Variants in FBXO42 observed in about 807,000 individuals in gnomAD.
FBXO42 encodes the protein F-box protein 42, also known as F-box only protein 42.
In FBXO42, 12 loss-of-function variants were observed where a neutral mutation model predicts 71.7. That is an observed-to-expected ratio of 0.17 (90% CI 0.11 to 0.27). FBXO42 has a LOEUF of 0.27. Among genes scored for constraint, FBXO42 ranks in the 10% least tolerant of loss-of-function variants. The pLI, the probability that FBXO42 is intolerant of heterozygous loss-of-function variation, is 1.00. For synonymous variants in FBXO42, 325 were observed against 327.5 expected (o/e 0.99, Z 0.08); for missense variants, 707 against 911.9 (o/e 0.78, Z 2.89).
At chr1:16,260,146 T>C (rs2081695230) in intron 4 of FBXO42, among the ~76,000 whole-genome samples, 1 of 151,968 alleles carries the variant, frequency 6.6e-6, no homozygotes, top group Non-Finnish European at 1.5e-5. Context: ...TAACTCTTAC[T>C]ACTGCTACTG....
In FBXO42 at chr1:16,344,615, C is replaced by T. The variant is rs926597148; in HGVS notation, c.-18+7640G>A. 3.3e-5 allele frequency among the ~76,000 whole-genome samples: 5 copies of T among 151,516 alleles called. No homozygotes were observed. In the South Asian group the frequency reaches 8.3e-4, roughly 25 times the overall value. ...CCTCCCAAAGTGCTGGGATTACAGG[C>T]GTGAGCCACAGCACCCATCCAGTTG... On this transcript the variant is annotated intron_variant, in intron 1 of 9. Coordinates refer to ENST00000375592, the MANE Select transcript of FBXO42 (RefSeq NM_018994.3).
At chr1:16,322,922 T>C (rs1028566036) in intron 1 of FBXO42, among the ~76,000 whole-genome samples, 4 of 152,220 alleles carry the variant, frequency 2.6e-5, no homozygotes, top group African/African-American at 4.8e-5. Flanking sequence ...GGAATGAAAC[T>C]GCTATGCATT....
chr1:16,294,758 C>T, intron 4 of FBXO42, 25 bp downstream of exon 4: 1 of 1,609,980 alleles, frequency 6.2e-7, no homozygotes, highest in South Asian at 1.1e-5. Flanking sequence ...GGTAAGGAGG[C>T]AAAGATCAGC....
intron 4 of FBXO42, among the ~76,000 whole-genome samples, chr1:16,284,909 G>A (rs1353615034): frequency 6.6e-5 from 10 of 151,654 alleles, no homozygotes; most frequent in African/African-American, 2.2e-4. Flanking sequence ...TGGAGGTTGC[G>A]GTGAGCCAGA....
chr1:16,332,070 A>G (rs2082506275), intron 1 of FBXO42, among the ~76,000 whole-genome samples: 1 of 152,150 alleles, frequency 6.6e-6, no homozygotes, highest in Admixed American at 6.6e-5. Flanking sequence ...AAGAAAAAGA[A>G]AAAGTATATG....
At chr1:16,322,691 G>C (rs1180417803) in intron 1 of FBXO42, among the ~76,000 whole-genome samples, 1 of 152,184 alleles carries the variant, frequency 6.6e-6, no homozygotes, top group Non-Finnish European at 1.5e-5. Context: ...TTAAGGTTAA[G>C]ATTTTGAGAC....
intron 4 of FBXO42, among the ~76,000 whole-genome samples, chr1:16,277,216 CA>C (rs1291147053): frequency 2.6e-5 from 4 of 152,122 alleles, no homozygotes; most frequent in Non-Finnish European, 5.9e-5. Flanking sequence ...GTCTGATATT[CA>C]GCAGTTAATC....
intron 1 of FBXO42, among the ~76,000 whole-genome samples, chr1:16,348,494 C>T (rs1242868409): frequency 6.6e-6 from 1 of 151,898 alleles, no homozygotes. Context: ...GTCAGGAGTT[C>T]GAGACCAGCC....
chr1:16,336,388 T>C (rs1386424894), intron 1 of FBXO42, among the ~76,000 whole-genome samples: 1 of 151,548 alleles, frequency 6.6e-6, no homozygotes, highest in Non-Finnish European at 1.5e-5. Context: ...AGATGTAGTC[T>C]AGCTCTGTCA....
intron 4 of FBXO42, among the ~76,000 whole-genome samples, chr1:16,271,654 T>C (rs965176168): frequency 2.0e-5 from 3 of 152,060 alleles, no homozygotes; most frequent in African/African-American, 7.2e-5. Flanking sequence ...CCCAACCTAT[T>C]TGTAAGTCCA....
intron 4 of FBXO42, chr1:16,293,454 T>C (rs977083473): frequency 6.6e-6 from 1 of 152,466 alleles, no homozygotes; most frequent in Middle Eastern, 3.4e-3. Flanking sequence ...TTTTTATGAA[T>C]GGCACAAACG....
chr1:16,291,749 G>A (rs1346135797), intron 4 of FBXO42, among the ~76,000 whole-genome samples: 1 of 152,006 alleles, frequency 6.6e-6, no homozygotes, highest in African/African-American at 2.4e-5. Context: ...ATCACTCACT[G>A]TAGCCTTGAA....
chr1:16,352,132 C>A, intron 1 of FBXO42, 123 bp downstream of exon 1: 1 of 384,684 alleles, frequency 2.6e-6, no homozygotes, highest in Admixed American at 4.5e-5. Context: ...CAGGACCGAC[C>A]CCCGCGTGGG....
intron 4 of FBXO42, among the ~76,000 whole-genome samples, chr1:16,268,075 C>T (rs1266244725): frequency 6.6e-6 from 1 of 151,666 alleles, no homozygotes; most frequent in African/African-American, 2.4e-5. Flanking sequence ...GAGAGGAGGT[C>T]CAAAGTCTCA....
intron 1 of FBXO42, among the ~76,000 whole-genome samples, chr1:16,339,054 C>T (rs1257956727): frequency 6.6e-6 from 1 of 152,032 alleles, no homozygotes; most frequent in African/African-American, 2.4e-5. Context: ...AAGCGATCCA[C>T]CCATCTCAGC....
intron 4 of FBXO42, among the ~76,000 whole-genome samples, chr1:16,278,459 T>C (rs1489360804): frequency 6.6e-6 from 1 of 152,204 alleles, no homozygotes; most frequent in African/African-American, 2.4e-5. Context: ...TGGGAAATCT[T>C]TTCCCAGAAT....
chr1:16,295,618 C>A (rs1022434670), intron 3 of FBXO42, among the ~76,000 whole-genome samples: 16 of 152,120 alleles, frequency 1.1e-4, no homozygotes, highest in African/African-American at 2.9e-4. Context: ...ATCTCGAACT[C>A]CTGACCTCAG....
chr1:16,262,032 T>C (rs920026660), intron 4 of FBXO42, among the ~76,000 whole-genome samples: 1 of 152,206 alleles, frequency 6.6e-6, no homozygotes, highest in African/African-American at 2.4e-5. Context: ...AAATTTTATG[T>C]GACCCTGAGT....
chr1:16,283,060 C>A (rs1433117996), intron 4 of FBXO42, among the ~76,000 whole-genome samples: 2 of 151,896 alleles, frequency 1.3e-5, no homozygotes, highest in African/African-American at 4.8e-5. Context: ...GGCCAAGGAA[C>A]CCACAGTTTA....
Sources: allele counts gnomAD v4.1 joint callset (sites outside exome capture counted in the v4.1 genomes callset), GRCh38; gene constraint gnomAD v4.1.1; transcripts MANE v1.5; gene names NCBI Gene and HGNC (gene_info 2026-07-23, HGNC 2026-07-21).